The following STK31 variants were observed in gnomAD, a reference collection of about 807,000 sequenced individuals.
STK31 encodes the protein serine/threonine kinase 31.
In STK31, 89 loss-of-function variants were observed where a neutral mutation model predicts 129.7. The observed-to-expected ratio is 0.69, with a 90% CI of 0.58 to 0.82. The LOEUF is 0.82. Among genes scored for constraint, STK31 ranks in the 40% least tolerant of loss-of-function variants. The probability of loss-of-function intolerance (pLI) is 0.00; values close to 1 mark genes in which losing one functional copy is unlikely to be tolerated. For missense variants in STK31, 1,187 were observed against 1,176.4 expected, an observed-to-expected ratio of 1.01 and a Z score of -0.13; for synonymous variants, 448 against 395.3, an observed-to-expected ratio of 1.13 and a Z score of -1.58.
chr7:23,714,063 T>G (rs565653334), intron 3 of STK31, among the ~76,000 whole-genome samples: 2 of 152,266 alleles, frequency 1.3e-5, no homozygotes, highest in East Asian at 3.9e-4. Flanking sequence ...GCAATAGGAA[T>G]TTTTCAGCTT....
chr7:23,753,330 G>T (rs1226906847), intron 9 of STK31, among the ~76,000 whole-genome samples: 2 of 152,122 alleles, frequency 1.3e-5, no homozygotes, highest in Non-Finnish European at 2.9e-5. Context: ...TAGGTGAATT[G>T]GTGTGTCTGT....
At chr7:23,795,871 C>A (rs1791919972) in intron 22 of STK31, among the ~76,000 whole-genome samples, 1 of 152,202 alleles carries the variant, frequency 6.6e-6, no homozygotes, top group South Asian at 2.1e-4. Flanking sequence ...TGTATTTACC[C>A]AATGCCTGTA....
At chr7:23,757,098 C>T (rs952867780) in intron 10 of STK31, among the ~76,000 whole-genome samples, 11 of 152,162 alleles carry the variant, frequency 7.2e-5, no homozygotes, top group Non-Finnish European at 1.3e-4. Context: ...TGGTAGAATT[C>T]GGCTGTGAAT....
At chr7:23,805,390 TA>T (rs1792637789) in intron 22 of STK31, among the ~76,000 whole-genome samples, 1 of 152,374 alleles carries the variant, frequency 6.6e-6, no homozygotes, top group African/African-American at 2.4e-5. Context: ...TTCTCCTTTT[TA>T]AAAAGTTTTA....
intron 22 of STK31, among the ~76,000 whole-genome samples, chr7:23,805,753 G>T (rs1326261851): frequency 1.3e-5 from 2 of 151,928 alleles, no homozygotes; most frequent in African/African-American, 4.8e-5. Context: ...CCAACATGGT[G>T]GGACTACAGG....
At chr7:23,775,015 AC>A (rs1335024073) in intron 15 of STK31, among the ~76,000 whole-genome samples, 4 of 152,152 alleles carry the variant, frequency 2.6e-5, no homozygotes, top group Non-Finnish European at 5.9e-5. Context: ...TTTTCCCAAC[AC>A]CATTTATTAA....
chr7:23,829,862 T>A (rs1224719989), intron 23 of STK31, among the ~76,000 whole-genome samples: 2 of 152,182 alleles, frequency 1.3e-5, no homozygotes, highest in East Asian at 1.9e-4. Flanking sequence ...ACCTGGTAGG[T>A]TGTATGTGTC....
At chr7:23,776,676 A>T (rs1037136342) in intron 15 of STK31, among the ~76,000 whole-genome samples, 21 of 152,066 alleles carry the variant, frequency 1.4e-4, no homozygotes, top group African/African-American at 2.9e-4. Context: ...CAGTGGTGAT[A>T]TCCCCTTTAT....
At chr7:23,776,951 G>A (rs1269385104) in intron 15 of STK31, among the ~76,000 whole-genome samples, 2 of 152,072 alleles carry the variant, frequency 1.3e-5, no homozygotes, top group Non-Finnish European at 1.5e-5. Flanking sequence ...TTTCACCTGT[G>A]GGCATTTAGT....
At chr7:23,803,891 G>A (rs889192429) in intron 22 of STK31, among the ~76,000 whole-genome samples, 1 of 152,076 alleles carries the variant, frequency 6.6e-6, no homozygotes, top group African/African-American at 2.4e-5. Context: ...TTGTATTAAG[G>A]TTCTTCACTA....
intron 16 of STK31, among the ~76,000 whole-genome samples, chr7:23,782,486 A>G (rs201957121): frequency 2.1e-4 from 32 of 150,048 alleles, no homozygotes; most frequent in South Asian, 4.2e-4. Flanking sequence ...AAAAAAAAAA[A>G]AAAAAAGAAA....
At chr7:23,710,491 C>A (rs1407744333) in intron 1 of STK31, 156 bp downstream of exon 1, 1 of 1,502,604 alleles carries the variant, frequency 6.7e-7, no homozygotes, top group Admixed American at 2.2e-5. Context: ...GTGCCAGATG[C>A]CCCAGTTTTT....
rs139327143 is a variant in STK31, at chr7:23,723,819, C to T, written c.250-3422C>T. Among the ~76,000 whole-genome samples the T allele has an allele frequency of 2.2e-3, 329 of 152,246 alleles. 1 individual carries two copies. Among genetic ancestry groups the T allele is most frequent in the African/African-American group, 7.6e-3 (315 of 41,542 alleles). On this transcript the variant is annotated intron_variant, in intron 4 of 23. Transcript: ENST00000355870. ...TGGTTGTATTACACTAACAGAGCCA[C>T]GAACTTCAGATTCTTCACTTTGTTG...
chr7:23,825,390 G>A (rs564849799), intron 23 of STK31, among the ~76,000 whole-genome samples: 1 of 152,172 alleles, frequency 6.6e-6, no homozygotes, highest in Non-Finnish European at 1.5e-5. Context: ...TTGCGTAGAG[G>A]TGTTTATAGT....
chr7:23,781,622 A>G (rs963108541), intron 16 of STK31, 102 bp downstream of exon 16: 60 of 756,316 alleles, frequency 7.9e-5, no homozygotes, highest in East Asian at 2.2e-4. Context: ...GGCTAGAGGT[A>G]TTATATAGAA....
intron 8 of STK31, among the ~76,000 whole-genome samples, chr7:23,743,251 G>A (rs2128086108): frequency 1.3e-5 from 2 of 152,270 alleles, no homozygotes; most frequent in Admixed American, 1.3e-4. Flanking sequence ...ACTGCGTCCA[G>A]CTGGGTTTTT....
chr7:23,730,878 A>ATATTTTTTTTTTTT, intron 6 of STK31, among the ~76,000 whole-genome samples: 8 of 59,556 alleles, frequency 1.3e-4, no homozygotes, highest in Admixed American at 2.7e-4. Flanking sequence ...ATATATATAT[A>ATATTTTTTTTTTTT]TTTTTTTTTT....
At position 23,783,597 on chromosome 7, in the gene STK31, T is replaced by C. The variant is rs139358697; in HGVS notation, c.2082T>C (p.Ser694=). ...TTTAACTTTAGGAGATGCTAACTAGTTTGGCACAGAAATGGTTCCCTGAGC... is the reference window on the plus strand; with the variant it reads ...TTTAACTTTAGGAGATGCTAACTAGCTTGGCACAGAAATGGTTCCCTGAGC... ...HEREEYEMLT[S]LAQKWFPELP... is the part of the protein sequence containing the mutation. The change falls in exon 17 of 24, where the codon AGT becomes AGC. Residue 694 remains serine, a synonymous_variant. Transcript: ENST00000355870. The C allele has an allele frequency of 6.0e-4, 962 of 1,610,514 alleles. 1 individual carries two copies. Among genetic ancestry groups the C allele is most frequent in the Non-Finnish European group, 7.8e-4 (924 of 1,179,348 alleles).
At chr7:23,794,012 G>T (rs1046061490) in intron 22 of STK31, among the ~76,000 whole-genome samples, 6 of 152,210 alleles carry the variant, frequency 3.9e-5, no homozygotes, top group African/African-American at 1.2e-4. Flanking sequence ...AAAACAGTCT[G>T]CTATGTATGT....
Sources: allele counts gnomAD v4.1 joint callset (sites outside exome capture counted in the v4.1 genomes callset), GRCh38; gene constraint gnomAD v4.1.1; transcripts MANE v1.5; gene names NCBI Gene and HGNC (gene_info 2026-07-23, HGNC 2026-07-21).